The following MRPL14 variants were observed in gnomAD, a reference collection of about 807,000 sequenced individuals.
MRPL14 encodes the protein mitochondrial ribosomal protein L14, also known as large ribosomal subunit protein uL14m.
In MRPL14, 8 loss-of-function variants were observed where a neutral mutation model predicts 10.9. The observed-to-expected ratio is 0.74, with a 90% CI of 0.43 to 1.33. The LOEUF is 1.33. MRPL14 is among the 40% of genes most tolerant of loss of function. The pLI, the probability that MRPL14 is intolerant of heterozygous loss-of-function variation, is 0.01. For synonymous variants in MRPL14, 82 were observed against 74.1 expected (o/e 1.11, Z -0.54); for missense variants, 179 against 194.5 (o/e 0.92, Z 0.47).
At chr6:44,117,840 GTTTTTTTTTTT>G (rs56204643) in intron 1 of MRPL14, among the ~76,000 whole-genome samples, 36 of 75,350 alleles carry the variant, frequency 4.8e-4, no homozygotes, top group African/African-American at 1.4e-3. Context: ...AATTTTTTGT[GTTTTTTTTTTT>G]TTTTTTTTTT....
intron 1 of MRPL14, among the ~76,000 whole-genome samples, chr6:44,120,663 A>C (rs933423989): frequency 6.6e-6 from 1 of 152,212 alleles, no homozygotes; most frequent in African/African-American, 2.4e-5. Context: ...CCTCCAAAAA[A>C]ACAAACTGTT....
At chr6:44,114,855 C>T (rs1775690627) in intron 2 of MRPL14, among the ~76,000 whole-genome samples, 1 of 152,130 alleles carries the variant, frequency 6.6e-6, no homozygotes, top group East Asian at 1.9e-4. Flanking sequence ...ATGATCCGCC[C>T]GCCTCGGCCT....
At chr6:44,126,632 C>T (rs1431572893) in intron 1 of MRPL14, among the ~76,000 whole-genome samples, 1 of 151,160 alleles carries the variant, frequency 6.6e-6, no homozygotes, top group East Asian at 2.0e-4. Context: ...CCGTCTCTTA[C>T]GGTGGCAAAG....
intron 1 of MRPL14, among the ~76,000 whole-genome samples, chr6:44,123,489 G>A (rs1891439): frequency 1.5e-3 from 224 of 152,354 alleles, no homozygotes; most frequent in African/African-American, 5.0e-3. Context: ...ACTCAGGACA[G>A]CCTCGGACCA....
intron 1 of MRPL14, among the ~76,000 whole-genome samples, chr6:44,118,346 A>G (rs1311023744): frequency 6.6e-6 from 1 of 152,234 alleles, no homozygotes; most frequent in Non-Finnish European, 1.5e-5. Flanking sequence ...CCTGGCACTC[A>G]TTACCTATTA....
chr6:44,117,070 T>C (rs185721474), intron 1 of MRPL14, among the ~76,000 whole-genome samples: 46 of 151,590 alleles, frequency 3.0e-4, no homozygotes, highest in Admixed American at 1.1e-3. Flanking sequence ...AGAAAGTAAA[T>C]TATCTAAGCA....
chr6:44,114,449 A>G (rs184046023), intron 2 of MRPL14, among the ~76,000 whole-genome samples: 1 of 152,312 alleles, frequency 6.6e-6, no homozygotes, highest in Admixed American at 6.5e-5. Context: ...ATGGGTTTTA[A>G]AGAGAACCCA....
At chr6:44,115,057 A>C (rs995966455) in intron 2 of MRPL14, among the ~76,000 whole-genome samples, 1 of 152,162 alleles carries the variant, frequency 6.6e-6, no homozygotes, top group Non-Finnish European at 1.5e-5. Flanking sequence ...TAGAAAAAAA[A>C]ATTTTAGAGA....
intron 1 of MRPL14, among the ~76,000 whole-genome samples, chr6:44,123,371 T>C (rs1244856395): frequency 1.3e-5 from 2 of 152,202 alleles, no homozygotes; most frequent in Non-Finnish European, 2.9e-5. Context: ...ATAAAATAAA[T>C]GTTCCACATG....
At chr6:44,114,349 A>G in intron 2 of MRPL14, 140 bp from the exon 3 acceptor site, 1 of 1,004,524 alleles carries the variant, frequency 1.0e-6, no homozygotes, top group Non-Finnish European at 1.4e-6. Flanking sequence ...GCAGCAACAG[A>G]AAGTCAGGAC....
At chr6:44,115,516 T>C (rs2128192936) in intron 2 of MRPL14, among the ~76,000 whole-genome samples, 1 of 152,240 alleles carries the variant, frequency 6.6e-6, no homozygotes, top group African/African-American at 2.4e-5. Context: ...CTATGTCCTT[T>C]CTCTCCAATC....
rs1775574349 is a variant in MRPL14 at position 44,113,886 on chromosome 6, C to T, written c.395G>A (p.Gly132Asp). 6.3e-7 allele frequency: 1 copy of T among 1,597,182 alleles called. No individual in the cohort carries two copies. Residue 132 changes from glycine to aspartate, a missense_variant, in exon 3 of 3, where the codon GGC becomes GAC. Coordinates refer to ENST00000372014, the MANE Select transcript of MRPL14 (RefSeq NM_032111.4). ...AATGGCCAGCACCTTGGAATACTCGCCTTCCCGCTTGCGCAGGCTGGTGGG... is the reference window on the plus strand; with the variant it reads ...AATGGCCAGCACCTTGGAATACTCGTCTTCCCGCTTGCGCAGGCTGGTGGG... ...PIPTSLRKRE[G>D]EYSKVLAIAQ...
chr6:44,116,418 G>T, intron 2 of MRPL14, 123 bp downstream of exon 2: 2 of 960,066 alleles, frequency 2.1e-6, no homozygotes, highest in Non-Finnish European at 3.3e-6. Flanking sequence ...GATCACTTTA[G>T]CTTTCCCCAA....
chr6:44,114,679 G>A (rs886140112), intron 2 of MRPL14, among the ~76,000 whole-genome samples: 3 of 152,068 alleles, frequency 2.0e-5, no homozygotes, highest in African/African-American at 7.2e-5. Context: ...CGCCATCTCA[G>A]CTCACTGCAA....
Position 44,114,137 on chromosome 6 carries a change from G to A in MRPL14, c.144C>T (p.Asn48=). The A allele has an allele frequency of 6.2e-7, 1 of 1,614,092 alleles. No individual in the cohort carries two copies. The highest frequency in any genetic ancestry group is 1.1e-5 in the South Asian group (1 of 91,076). ...AGCGAGGAGCCCGATGGTATGGGCTGTTCCCCAGGGCACTGTTGTCCACCA... is the reference window on the plus strand; with the variant it reads ...AGCGAGGAGCCCGATGGTATGGGCTATTCCCCAGGGCACTGTTGTCCACCA... ...VRVVDNSALG[N]SPYHRAPRCI... The change falls in exon 3 of 3, where the codon AAC becomes AAT. Residue 48 remains asparagine, a synonymous_variant. Transcript: ENST00000372014.
intron 1 of MRPL14, among the ~76,000 whole-genome samples, chr6:44,126,426 C>T (rs1198635556): frequency 6.6e-6 from 1 of 152,226 alleles, no homozygotes; most frequent in Non-Finnish European, 1.5e-5. Context: ...TCTTGAAAAT[C>T]CAGCATACAG....
chr6:44,127,114 A>G (rs1777184406), intron 1 of MRPL14: 1 of 149,488 alleles, frequency 6.7e-6, no homozygotes, highest in Admixed American at 6.6e-5. Flanking sequence ...GAAGCAGCCC[A>G]CGGAGAGCGG....
rs1466794465 is a variant in MRPL14 at position 44,113,618 on chromosome 6, G to A, written c.*225C>T. 6.2e-5 allele frequency: 28 copies of A among 454,008 alleles called. No homozygotes were observed. In the East Asian group the frequency reaches 1.0e-3, roughly 16 times the overall value. The allele number at this position is 454,008 out of a possible 1,614,324, so 28.1% of individuals were successfully genotyped here. A position where few individuals can be genotyped will look rare whatever the true frequency, so the allele number is the denominator to read the frequency against. Reference sequence around the variant, plus strand: ...TAAAGAATGCTACCCCGTGTGGCCAGACTCGGGTAAGCCACCTTTCAACTG... The same window carrying A: ...TAAAGAATGCTACCCCGTGTGGCCAAACTCGGGTAAGCCACCTTTCAACTG... On this transcript the variant is annotated 3_prime_UTR_variant, in exon 3 of 3. Transcript: ENST00000372014.
intron 1 of MRPL14, among the ~76,000 whole-genome samples, chr6:44,119,244 T>C (rs1776172608): frequency 1.3e-5 from 2 of 151,756 alleles, no homozygotes; most frequent in African/African-American, 4.8e-5. Flanking sequence ...TGACGTCAGC[T>C]GGGCGCGGTG....
Sources: allele counts gnomAD v4.1 joint callset (sites outside exome capture counted in the v4.1 genomes callset), GRCh38; gene constraint gnomAD v4.1.1; transcripts MANE v1.5; gene names NCBI Gene and HGNC (gene_info 2026-07-23, HGNC 2026-07-21).